The following CAMK1G variants were observed in gnomAD, a reference collection of about 807,000 sequenced individuals.
CAMK1G encodes calcium/calmodulin-dependent protein kinase type 1G.
CAMK1G carries 27 observed loss-of-function variants against 54.8 expected under a neutral mutation model. The ratio of observed to expected loss-of-function variants is 0.49; its 90% confidence interval spans 0.36 to 0.68. The LOEUF is 0.68. Among genes scored for constraint, CAMK1G ranks in the 30% least tolerant of loss-of-function variants. The probability of loss-of-function intolerance (pLI) is 0.00; values close to 1 mark genes in which losing one functional copy is unlikely to be tolerated. For synonymous variants in CAMK1G, 238 were observed against 224.9 expected (o/e 1.06, Z -0.52); for missense variants, 512 against 591.0 (o/e 0.87, Z 1.39).
chr1:209,586,372 TGTTTTCTTG>T (rs1665102414), intron 1 of CAMK1G, among the ~76,000 whole-genome samples: 2 of 152,160 alleles, frequency 1.3e-5, no homozygotes, highest in Admixed American at 6.5e-5. Context: ...AACAGTTCCC[TGTTTTCTTG>T]GTTGAGTACC....
At chr1:209,610,012 G>A (rs546339380) in intron 9 of CAMK1G, 83 bp downstream of exon 9, 2 of 1,102,596 alleles carry the variant, frequency 1.8e-6, no homozygotes, top group East Asian at 2.4e-5. Flanking sequence ...GCATTTCCCT[G>A]GAATCTGCTT....
At chr1:209,597,201 G>T (rs532993036) in intron 2 of CAMK1G, among the ~76,000 whole-genome samples, 6 of 152,292 alleles carry the variant, frequency 3.9e-5, no homozygotes, top group South Asian at 2.1e-4. Context: ...CCTGTTGTCT[G>T]CTCGGGCAGG....
intron 6 of CAMK1G, 29 bp downstream of exon 6, chr1:209,606,472 C>T (rs1259257583): frequency 3.1e-6 from 5 of 1,609,224 alleles, no homozygotes; most frequent in South Asian, 1.1e-5. Flanking sequence ...GGAAGGTTGA[C>T]CAGTTGGCTA....
intron 3 of CAMK1G, 120 bp from the exon 4 acceptor site, chr1:209,603,094 C>G (rs748602017): frequency 2.3e-5 from 19 of 815,406 alleles, no homozygotes; most frequent in Non-Finnish European, 3.5e-5. Context: ...TTCACAGAGA[C>G]CTAGTCTTCC....
rs1033628862 is a variant in CAMK1G at position 209,606,217 on chromosome 1, C to T, written c.436-103C>T. ...GGGGAGGATGAGCTGGCCTTGAAGT[C>T]AGGAGCCCAGGGCTCATCTTCCTGT... On this transcript the variant is annotated intron_variant, in intron 5 of 12. Coordinates refer to ENST00000361322, the MANE Select transcript of CAMK1G (RefSeq NM_020439.3). 3.4e-5 allele frequency: 50 copies of T among 1,458,806 alleles called. No individual in the cohort carries two copies. In the Admixed American group the frequency reaches 9.4e-4, roughly 27 times the overall value. 90.4% of individuals were successfully genotyped at this position (1,458,806 alleles called of 1,614,324 possible).
chr1:209,603,131 C>G (rs952190377), intron 3 of CAMK1G, 83 bp from the exon 4 acceptor site: 4 of 1,351,442 alleles, frequency 3.0e-6, no homozygotes, highest in African/African-American at 1.4e-5. Context: ...AAGCCTCCAA[C>G]AGAAACTTTT....
rs755954596 is a variant in CAMK1G, at chr1:209,612,126, G to T, written c.1250G>T (p.Gly417Val). Residue 417 changes from glycine (G) to valine (V), a missense_variant, in exon 11 of 13, where the codon GGC (glycine) becomes GTC (valine). By Grantham distance (109) the Gly-to-Val change is moderately radical. This residue lies in a region of CAMK1G where 315 missense variants were observed against 330.5 expected (regional missense o/e 0.95). Transcript: ENST00000361322. ...GGGTCCCTGGCCGCCGGGCCCTGTG[G>T]CTGCTGCTCCAGCTGCCTGAACATT... ...HQGSLAAGPCGCCSSCLNIGS... is the reference protein window; with the variant it reads ...HQGSLAAGPCVCCSSCLNIGS... 28 of 1,614,140 alleles carry T rather than the reference G, an allele frequency of 1.7e-5. No individual in the cohort carries two copies. In the South Asian group the frequency reaches 3.1e-4, roughly 18 times the overall value.
chr1:209,586,902 G>A (rs569145172), intron 1 of CAMK1G, among the ~76,000 whole-genome samples: 2 of 152,206 alleles, frequency 1.3e-5, no homozygotes, highest in East Asian at 3.9e-4. Context: ...TAAACCATAA[G>A]CAACACATAA....
At chr1:209,584,816 C>A (rs1055762637) in intron 1 of CAMK1G, among the ~76,000 whole-genome samples, 10 of 152,180 alleles carry the variant, frequency 6.6e-5, no homozygotes, top group African/African-American at 2.4e-4. Context: ...CCTGTCATTC[C>A]TGCTGACCCA....
At chr1:209,587,418 A>G (rs1665131037) in intron 1 of CAMK1G, among the ~76,000 whole-genome samples, 2 of 152,176 alleles carry the variant, frequency 1.3e-5, no homozygotes, top group South Asian at 4.1e-4. Context: ...TTACAGAAGG[A>G]AAGAATTTCA....
intron 6 of CAMK1G, among the ~76,000 whole-genome samples, chr1:209,607,619 A>G (rs1373512683): frequency 6.6e-6 from 1 of 152,212 alleles, no homozygotes; most frequent in African/African-American, 2.4e-5. Context: ...CAGGTGAGTC[A>G]TCGACCCTGT....
At chr1:209,596,206 G>A (rs938890540) in intron 2 of CAMK1G, among the ~76,000 whole-genome samples, 4 of 152,248 alleles carry the variant, frequency 2.6e-5, no homozygotes, top group African/African-American at 9.6e-5. Context: ...AGTGCAGGAG[G>A]ATCCCAGCGG....
chr1:209,603,979 T>A (rs1665587332), intron 4 of CAMK1G, among the ~76,000 whole-genome samples: 2 of 152,110 alleles, frequency 1.3e-5, no homozygotes, highest in Non-Finnish European at 2.9e-5. Context: ...TGGTCAGTGT[T>A]CATAAGGGCT....
At position 209,612,101 on chromosome 1, in the gene CAMK1G, G is replaced by T. The variant is rs1188309770; in HGVS notation, c.1225G>T (p.Gly409Trp). 7 of 1,614,070 alleles carry T rather than the reference G, an allele frequency of 4.3e-6. No individual in the cohort carries two copies. Among genetic ancestry groups the T allele is most frequent in the Admixed American group, 3.3e-5 (2 of 60,016 alleles). The change falls in exon 11 of 13, where the codon GGG becomes TGG. Residue 409 changes from glycine (G) to tryptophan (W), a missense_variant. Gly to Trp is a radical substitution (Grantham distance 184, BLOSUM62 -2). Coordinates refer to ENST00000361322, the MANE Select transcript of CAMK1G (RefSeq NM_020439.3). ...CAGCAGCCTGGTGCCCATGCATCAG[G>T]GGTCCCTGGCCGCCGGGCCCTGTGG... Reference protein sequence around the residue: ...ISSSLVPMHQGSLAAGPCGCC... With the variant: ...ISSSLVPMHQWSLAAGPCGCC...
In CAMK1G at chr1:209,602,871, A is replaced by T. The variant is rs908105215; in HGVS notation, c.222-343A>T. ...TCTAACATCTGAATACCTACTTTGTAGAATAACCTAGTGTTGGGTACTCCC... is the reference window on the plus strand; with the variant it reads ...TCTAACATCTGAATACCTACTTTGTTGAATAACCTAGTGTTGGGTACTCCC... On this transcript the variant is annotated intron_variant, in intron 3 of 12. Coordinates refer to ENST00000361322, the MANE Select transcript of CAMK1G (RefSeq NM_020439.3). 4.6e-5 allele frequency among the ~76,000 whole-genome samples: 7 copies of T among 152,346 alleles called. No individual in the cohort carries two copies. The East Asian group carries it at 1.3e-3, about 29-fold the overall frequency.
rs765327727 is a variant in CAMK1G at position 209,611,472 on chromosome 1, G to A, written c.835G>A (p.Gly279Arg). The A allele has an allele frequency of 1.7e-5, 27 of 1,614,066 alleles. No homozygotes were observed. Among genetic ancestry groups the A allele is most frequent in the Non-Finnish European group, 2.1e-5 (25 of 1,179,982 alleles). The change falls in exon 10 of 13, where the codon GGA becomes AGA. Residue 279 changes from glycine to arginine, a missense_variant. This residue lies in a region of CAMK1G where 315 missense variants were observed against 330.5 expected (regional missense o/e 0.95). Coordinates refer to ENST00000361322, the MANE Select transcript of CAMK1G (RefSeq NM_020439.3). ...EKALSHPWID[G>R]NTALHRDIYP... ...CCCCTCTTACATCCACAGGATTGAC[G>A]GAAACACAGCCCTCCACCGGGACAT...
At chr1:209,595,371 G>A (rs1284964387) in intron 2 of CAMK1G, among the ~76,000 whole-genome samples, 6 of 152,152 alleles carry the variant, frequency 3.9e-5, no homozygotes, top group African/African-American at 9.7e-5. Context: ...GCAGTGAACC[G>A]AGATTGCGCT....
chr1:209,594,905 C>A, intron 1 of CAMK1G, 50 bp from the exon 2 acceptor site: 3 of 1,083,984 alleles, frequency 2.8e-6, no homozygotes, highest in South Asian at 1.5e-5. Flanking sequence ...TTTGAGAAAG[C>A]AGCTGACCAG....
intron 2 of CAMK1G, among the ~76,000 whole-genome samples, chr1:209,597,563 T>C (rs1044724951): frequency 2.0e-5 from 3 of 152,240 alleles, no homozygotes; most frequent in Non-Finnish European, 4.4e-5. Context: ...ACTCACCTTT[T>C]AATTTCCAGT....
Sources: gnomAD v4.1 joint callset for allele counts (sites outside exome capture counted in the v4.1 genomes callset) on GRCh38, gnomAD v4.1.1 for gene constraint, gnomAD v4.1.1 regional missense constraint, MANE v1.5 for transcripts, NCBI Gene and HGNC (gene_info 2026-07-23, HGNC 2026-07-21) for gene names.